Variants in DUSP12 observed in about 807,000 individuals in gnomAD.
DUSP12 encodes dual specificity phosphatase 12.
In DUSP12, 25 loss-of-function variants were observed where a neutral mutation model predicts 38.9. That is an observed-to-expected ratio of 0.64 (90% confidence interval 0.47 to 0.90). DUSP12 has a LOEUF of 0.90. Ranked by LOEUF, DUSP12 falls within the 40% of genes least tolerant of loss-of-function variation. DUSP12 has a pLI of 0.00. For missense variants in DUSP12, 403 were observed against 427.0 expected (o/e 0.94, Z 0.50); for synonymous variants, 153 against 153.9 (o/e 0.99, Z 0.05).
At chr1:161,755,660 C>T (rs1034635346) in intron 5 of DUSP12, among the ~76,000 whole-genome samples, 11 of 152,124 alleles carry the variant, frequency 7.2e-5, no homozygotes, top group Non-Finnish European at 1.3e-4. Flanking sequence ...TTTCATATTC[C>T]TAGGCCCATT....
chr1:161,751,522 T>G (rs1190936459), intron 1 of DUSP12, 146 bp from the exon 2 acceptor site: 1 of 928,046 alleles, frequency 1.1e-6, no homozygotes, highest in African/African-American at 1.7e-5. Flanking sequence ...TTTTGTACCT[T>G]GATAATATTT....
chr1:161,750,004 C>G lies in DUSP12; in HGVS notation c.203C>G (p.Ala68Gly), dbSNP rs773491849. 9.3e-6 allele frequency: 15 copies of G among 1,613,956 alleles called. No homozygotes were observed. Among genetic ancestry groups the G allele is most frequent in the Non-Finnish European group, 1.2e-5 (14 of 1,179,988 alleles). ...GACTCGGAGGAGCCCAGCTTCAAGG[C>G]GGGGCCTGGGGTCGAGGATCTATGG... The part of the protein sequence containing the change: ...TVDSEEPSFK[A>G]GPGVEDLWRL... Residue 68 changes from alanine to glycine, a missense_variant, in exon 1 of 6, where the codon GCG (alanine) becomes GGG (glycine). Coordinates refer to ENST00000367943, the MANE Select transcript of DUSP12 (RefSeq NM_007240.3).
At chr1:161,752,047 C>T (rs1205933504) in intron 3 of DUSP12, 63 bp downstream of exon 3, 3 of 1,067,806 alleles carry the variant, frequency 2.8e-6, no homozygotes, top group African/African-American at 3.2e-5. Context: ...GCATTGTATG[C>T]TTTACCTTAC....
rs1684123489 is a variant in DUSP12, at chr1:161,757,164, ACTGT to A, written c.*222_*225del. The A allele has an allele frequency of 2.8e-5, 11 of 395,556 alleles. No homozygotes were observed. Among genetic ancestry groups the A allele is most frequent in the Non-Finnish European group, 4.1e-5 (9 of 220,948 alleles). 24.5% of individuals were successfully genotyped at this position (395,556 alleles called of 1,614,324 possible). On this transcript the variant is annotated 3_prime_UTR_variant, in exon 6 of 6. Transcript: ENST00000367943. ...ATATTAAAATCTTTTATAACCAGAT[ACTGT>A]CTGTGTTTCATATATTTTTAAAAGT...
chr1:161,755,937 A>C (rs547104077), intron 5 of DUSP12, among the ~76,000 whole-genome samples: 1 of 152,132 alleles, frequency 6.6e-6, no homozygotes, highest in East Asian at 1.9e-4. Flanking sequence ...GCTCACTGCA[A>C]CCTCCGCCTT....
At chr1:161,751,410 T>G (rs1375649130) in intron 1 of DUSP12, 2 of 312,524 alleles carry the variant, frequency 6.4e-6, no homozygotes, top group African/African-American at 4.4e-5. Context: ...GAGTTTGGAT[T>G]TGTTCTGAGC....
intron 3 of DUSP12, 121 bp from the exon 4 acceptor site, chr1:161,752,246 AT>A (rs368885178): frequency 0.19 from 112,530 of 579,456 alleles, 1 homozygote; most frequent in East Asian, 0.27. Flanking sequence ...CTGGAATTTG[AT>A]TTTTTTTTTT....
At chr1:161,755,940 T>C (rs921504542) in intron 5 of DUSP12, among the ~76,000 whole-genome samples, 2 of 152,314 alleles carry the variant, frequency 1.3e-5, no homozygotes, top group Non-Finnish European at 2.9e-5. Context: ...CACTGCAACC[T>C]CCGCCTTCTG....
chr1:161,752,064 C>G (rs1325304080), intron 3 of DUSP12, 80 bp downstream of exon 3: 2 of 958,478 alleles, frequency 2.1e-6, no homozygotes, highest in Non-Finnish European at 3.2e-6. Context: ...TTACTTCCAG[C>G]AATCCCTGAG....
chr1:161,753,054 T>C (rs372559957), intron 4 of DUSP12, 21 bp from the exon 5 acceptor site: 1,246 of 1,576,542 alleles, frequency 7.9e-4, no homozygotes, highest in Non-Finnish European at 1.0e-3. Context: ...ATTAATGCTT[T>C]TGTTTGTTTG....
chr1:161,755,133 A>G (rs537159523), intron 5 of DUSP12, among the ~76,000 whole-genome samples: 1 of 152,266 alleles, frequency 6.6e-6, no homozygotes, highest in East Asian at 1.9e-4. Flanking sequence ...CCCAGCTGCA[A>G]TTCCCATTCT....
chr1:161,752,042 G>A, intron 3 of DUSP12, 58 bp downstream of exon 3: 1 of 1,166,160 alleles, frequency 8.6e-7, no homozygotes, highest in Non-Finnish European at 1.3e-6. Flanking sequence ...CTTTAGCATT[G>A]TATGCTTTAC....
At chr1:161,752,940 T>C (rs1225147262) in intron 4 of DUSP12, 135 bp from the exon 5 acceptor site, 9 of 799,110 alleles carry the variant, frequency 1.1e-5, no homozygotes, top group African/African-American at 3.6e-5. Context: ...CAGTGAGCCA[T>C]GATCACGCCA....
chr1:161,755,962 TCTC>T (rs1327718963), intron 5 of DUSP12, among the ~76,000 whole-genome samples: 1 of 152,188 alleles, frequency 6.6e-6, no homozygotes, highest in Non-Finnish European at 1.5e-5. Flanking sequence ...GTTCAAATAT[TCTC>T]CTGCTTCAGC....
At chr1:161,756,483 CTATATATATATATATATATATATATA>C (rs10527814) in intron 5 of DUSP12, among the ~76,000 whole-genome samples, 1 of 124,700 alleles carries the variant, frequency 8.0e-6, no homozygotes, top group South Asian at 2.8e-4. Flanking sequence ...GATTTAAAAG[CTATATATATATATATATATATATATA>C]TATATATATA....
chr1:161,756,618 T>C (rs1215636079), intron 5 of DUSP12, among the ~76,000 whole-genome samples, 168 bp from the exon 6 acceptor site: 1 of 151,856 alleles, frequency 6.6e-6, no homozygotes, highest in Non-Finnish European at 1.5e-5. Flanking sequence ...ATAATTGTAG[T>C]CTACTATCTA....
At position 161,751,932 on chromosome 1, in the gene DUSP12, T is replaced by C. The variant is rs1030554680; in HGVS notation, c.525T>C (p.Ser175=). The C allele has an allele frequency of 6.2e-7, 1 of 1,612,972 alleles. No homozygotes were observed. The highest frequency in any genetic ancestry group is 1.3e-5 in the African/African-American group (1 of 74,904). ...YQAMGYEVDT[S]SAIYKQYRLQ... is the part of the protein sequence containing the mutation. ...CAATGGGATACGAAGTGGATACCTC[T>C]AGTGCAATTTATAAGCAATATCGTT... The change falls in exon 3 of 6, where the codon TCT becomes TCC. Residue 175 remains serine, a synonymous_variant. Transcript: ENST00000367943.
In DUSP12 at chr1:161,757,016, T is replaced by C; in HGVS notation, c.*69T>C. ...TGCTGCCTTTGCTTCTTATCATTCA[T>C]GGCAGATTGTTTGTGCTTTCAACAT... On this transcript the variant is annotated 3_prime_UTR_variant, in exon 6 of 6. Transcript: ENST00000367943. 7.0e-7 allele frequency: 1 copy of C among 1,430,980 alleles called. No individual in the cohort carries two copies. Among genetic ancestry groups the C allele is most frequent in the Non-Finnish European group, 9.5e-7 (1 of 1,054,714 alleles). The allele number at this position is 1,430,980 out of a possible 1,614,324, so 88.6% of individuals were successfully genotyped here.
intron 3 of DUSP12, among the ~76,000 whole-genome samples, 185 bp from the exon 4 acceptor site, chr1:161,752,183 A>T (rs1684032731): frequency 6.6e-6 from 1 of 152,194 alleles, no homozygotes; most frequent in Non-Finnish European, 1.5e-5. Context: ...CCGTGCCCAG[A>T]ACCTAAGCAC....
Sources: gnomAD v4.1 joint callset for allele counts (sites outside exome capture counted in the v4.1 genomes callset) on GRCh38, gnomAD v4.1.1 for gene constraint, MANE v1.5 for transcripts, NCBI Gene and HGNC (gene_info 2026-07-23, HGNC 2026-07-21) for gene names.